The following BNC2 variants were observed in gnomAD, a reference collection of about 807,000 sequenced individuals.
BNC2 encodes basonuclin zinc finger protein 2, also known as zinc finger protein basonuclin-2.
A neutral mutation model predicts 76.3 loss-of-function variants in BNC2; 20 were observed. The observed-to-expected ratio is 0.26, with a 90% CI of 0.18 to 0.38. The LOEUF (loss-of-function observed/expected upper bound fraction) is 0.38. Ranked by LOEUF, BNC2 falls within the 10% of genes least tolerant of loss-of-function variation. BNC2 has a pLI of 1.00. For missense variants in BNC2, 1,382 were observed against 1,399.8 expected (o/e 0.99, Z 0.20); for synonymous variants, 582 against 514.8 (o/e 1.13, Z -1.77).
At chr9:16,702,140 G>C (rs1188509867) in intron 3 of BNC2, among the ~76,000 whole-genome samples, 1 of 152,148 alleles carries the variant, frequency 6.6e-6, no homozygotes, top group East Asian at 1.9e-4. Flanking sequence ...GTATTGCCCA[G>C]ATACATGTAT....
intron 4 of BNC2, among the ~76,000 whole-genome samples, chr9:16,566,800 G>T (rs1298558386): frequency 6.6e-6 from 1 of 152,106 alleles, no homozygotes; most frequent in African/African-American, 2.4e-5. Flanking sequence ...TGTAAGAAGA[G>T]CATCTATAAA....
chr9:16,748,826 G>C (rs1237117345), intron 1 of BNC2, among the ~76,000 whole-genome samples: 1 of 95,850 alleles, frequency 1.0e-5, no homozygotes, highest in Non-Finnish European at 1.8e-5. Context: ...CTGGGCAACA[G>C]AGCGAAACCG....
intron 5 of BNC2, among the ~76,000 whole-genome samples, chr9:16,490,454 T>G (rs1264040169): frequency 2.0e-5 from 3 of 152,182 alleles, no homozygotes; most frequent in Non-Finnish European, 4.4e-5. Context: ...AGTTGAGATT[T>G]AGGTGGGGAC....
chr9:16,756,717 C>T (rs1825392612), intron 1 of BNC2, among the ~76,000 whole-genome samples: 2 of 152,188 alleles, frequency 1.3e-5, no homozygotes, highest in African/African-American at 2.4e-5. Flanking sequence ...AGGCTGGGCA[C>T]AGGGGCTCAC....
At chr9:16,732,728 T>C (rs532290067) in intron 2 of BNC2, among the ~76,000 whole-genome samples, 3 of 152,332 alleles carry the variant, frequency 2.0e-5, no homozygotes, top group African/African-American at 4.8e-5. Context: ...TGGTTTTTCA[T>C]GTGACACACG....
At position 16,632,676 on chromosome 9, in the gene BNC2, C is replaced by T. The variant is rs1563872689; in HGVS notation, c.331-49591G>A. Among the ~76,000 whole-genome samples, 3 of 152,294 alleles carry T rather than the reference C, an allele frequency of 2.0e-5. No individual in the cohort carries two copies. The South Asian group carries it at 6.2e-4, about 32-fold the overall frequency. On this transcript the variant is annotated intron_variant, in intron 3 of 6. Transcript: ENST00000380672. ...CACTTAGGTCTAGAACACATCTTTG[C>T]TCACCCATTACACTGAGTACAGACT...
chr9:16,856,634 C>G (rs1819265279), intron 1 of BNC2, among the ~76,000 whole-genome samples: 1 of 152,118 alleles, frequency 6.6e-6, no homozygotes, highest in South Asian at 2.1e-4. Flanking sequence ...GGCTCCAGAC[C>G]TGGTAGAATT....
chr9:16,791,474 AG>A (rs1817510237), intron 1 of BNC2, among the ~76,000 whole-genome samples: 1 of 152,212 alleles, frequency 6.6e-6, no homozygotes, highest in Non-Finnish European at 1.5e-5. Flanking sequence ...ATGCAAAGTG[AG>A]AAATATCTGC....
At chr9:16,832,195 A>T in intron 1 of BNC2, 1 of 956,786 alleles carries the variant, frequency 1.0e-6, no homozygotes. Context: ...TAAAACTACA[A>T]GGTAGTCTTC....
At chr9:16,817,162 T>C (rs549236742) in intron 1 of BNC2, among the ~76,000 whole-genome samples, 1 of 152,302 alleles carries the variant, frequency 6.6e-6, no homozygotes, top group East Asian at 1.9e-4. Flanking sequence ...GGATCTCAGG[T>C]AACAAACACC....
intron 1 of BNC2, among the ~76,000 whole-genome samples, chr9:16,759,763 G>C (rs1015145759): frequency 4.8e-5 from 7 of 146,746 alleles, no homozygotes; most frequent in Non-Finnish European, 7.4e-5. Flanking sequence ...TCGCTCTGTC[G>C]CCCTGACTAG....
chr9:16,618,690 T>A (rs1820779461), intron 3 of BNC2, among the ~76,000 whole-genome samples: 1 of 152,218 alleles, frequency 6.6e-6, no homozygotes, highest in African/African-American at 2.4e-5. Flanking sequence ...ATACTCATCC[T>A]TTCCACATGA....
chr9:16,780,409 T>C (rs1318954327), intron 1 of BNC2, among the ~76,000 whole-genome samples: 1 of 150,042 alleles, frequency 6.7e-6, no homozygotes, highest in Admixed American at 6.6e-5. Context: ...CCGTCTCTAC[T>C]AAAAATACAA....
chr9:16,606,323 T>A (rs1312798831), intron 3 of BNC2, among the ~76,000 whole-genome samples: 4 of 152,108 alleles, frequency 2.6e-5, no homozygotes, highest in Non-Finnish European at 5.9e-5. Context: ...AGGAATGGAT[T>A]AGAGGGGAGA....
intron 3 of BNC2, among the ~76,000 whole-genome samples, chr9:16,726,587 A>C (rs2134966428): frequency 6.8e-6 from 1 of 147,768 alleles, no homozygotes; most frequent in African/African-American, 2.5e-5. Flanking sequence ...AAGCAGTTGC[A>C]GTATTTTTTT....
chr9:16,658,517 ACCT>A (rs1316083169), intron 3 of BNC2, among the ~76,000 whole-genome samples: 1 of 152,048 alleles, frequency 6.6e-6, no homozygotes, highest in Non-Finnish European at 1.5e-5. Flanking sequence ...TCAGCATATC[ACCT>A]CCTGGATTCC....
intron 3 of BNC2, among the ~76,000 whole-genome samples, chr9:16,707,133 C>T (rs1332007058): frequency 1.3e-5 from 2 of 151,348 alleles, no homozygotes; most frequent in African/African-American, 4.8e-5. Context: ...ATCCGGGAGG[C>T]GGAGCTTGCA....
chr9:16,850,665 T>G (rs552400436), intron 1 of BNC2, among the ~76,000 whole-genome samples: 1 of 152,034 alleles, frequency 6.6e-6, no homozygotes, highest in South Asian at 2.1e-4. Flanking sequence ...AGTCCAGGAG[T>G]TGGAGACTAG....
chr9:16,800,823 T>G (rs775430983), intron 1 of BNC2, among the ~76,000 whole-genome samples: 10 of 152,208 alleles, frequency 6.6e-5, no homozygotes, highest in Non-Finnish European at 1.3e-4. Flanking sequence ...ACCTCTTCTT[T>G]TTCATCATGT....
Sources: gnomAD v4.1 joint callset for allele counts (sites outside exome capture counted in the v4.1 genomes callset) on GRCh38, gnomAD v4.1.1 for gene constraint, MANE v1.5 for transcripts, NCBI Gene and HGNC (gene_info 2026-07-23, HGNC 2026-07-21) for gene names.